Variants in HAS3 observed in about 807,000 individuals in gnomAD.
The protein encoded by HAS3 is HA synthase 3.
HAS3 carries 27 observed loss-of-function variants against 50.3 expected under a neutral mutation model. The observed-to-expected ratio is 0.54, with a 90% confidence interval of 0.40 to 0.74. The LOEUF is 0.74. HAS3 is among the 30% of genes least tolerant of loss of function. The pLI is 0.00. For synonymous variants in HAS3, 339 were observed against 310.9 expected, an observed-to-expected ratio of 1.09 and a Z score of -0.95; for missense variants, 517 against 742.8, an observed-to-expected ratio of 0.70 and a Z score of 3.53.
Position 69,109,917 on chromosome 16 carries a change from G to A in HAS3, c.522G>A (p.Val174=), listed in dbSNP as rs767800507. 3.7e-6 allele frequency: 6 copies of A among 1,614,102 alleles called. No individual in the cohort carries two copies. Among genetic ancestry groups the A allele is most frequent in the Admixed American group, 1.7e-5 (1 of 60,030 alleles). ...EASLQEGMDR[V]RDVVRASTFS... ...GCCTGCAGGAGGGCATGGACCGTGT[G>A]CGGGATGTGGTGCGGGCCAGCACCT... The change falls in exon 2 of 4, where the codon GTG becomes GTA. Residue 174 remains valine (V), a synonymous_variant. Coordinates refer to ENST00000569188, the MANE Select transcript of HAS3 (RefSeq NM_001199280.2). The surrounding 1 kb of genome is among the most constrained non-coding windows in gnomAD (Gnocchi z 5.3).
In HAS3 at chr16:69,109,666, A is replaced by G. The variant is rs1170953205; in HGVS notation, c.271A>G (p.Ile91Val). The G allele has an allele frequency of 3.1e-6, 5 of 1,610,076 alleles. No homozygotes were observed. Among genetic ancestry groups the G allele is most frequent in the East Asian group, 2.2e-5 (1 of 44,866 alleles). Residue 91 changes from isoleucine to valine, a missense_variant, in exon 2 of 4, where the codon ATT becomes GTT. Ile to Val is a conservative substitution (Grantham distance 29, BLOSUM62 3). Coordinates refer to ENST00000569188, the MANE Select transcript of HAS3 (RefSeq NM_001199280.2). The surrounding 1 kb of genome is among the most constrained non-coding windows in gnomAD (Gnocchi z 5.3). ...GCGGCGGGGCTCGGTGGCACTGTGCATTGCCGCATACCAGGAGGACCCTGA... is the reference window on the plus strand; with the variant it reads ...GCGGCGGGGCTCGGTGGCACTGTGCGTTGCCGCATACCAGGAGGACCCTGA... ...SPRRGSVALC[I>V]AAYQEDPDYL...
chr16:69,089,719 C>A, the HAS3 span, among the ~76,000 whole-genome samples: 1 of 152,104 alleles, frequency 6.6e-6, no homozygotes, highest in Non-Finnish European at 1.5e-5. Flanking sequence ...GAATGCAGAC[C>A]CCACCTTCGG....
chr16:69,116,493 G>T lies in HAS3; in HGVS notation c.*1227G>T. ...GAAAGCTTTTCAGTGTTCCCAAAGTGAACTCTCAAATCCAAAATGGTTATC... is the reference window on the plus strand; with the variant it reads ...GAAAGCTTTTCAGTGTTCCCAAAGTTAACTCTCAAATCCAAAATGGTTATC... On this transcript the variant is annotated 3_prime_UTR_variant, in exon 4 of 4. Coordinates refer to ENST00000569188, the MANE Select transcript of HAS3 (RefSeq NM_001199280.2). 1 of 985,848 alleles carries T rather than the reference G, an allele frequency of 1.0e-6. No individual in the cohort carries two copies. The highest frequency in any genetic ancestry group is 1.1e-4 in the East Asian group (1 of 8,822). 61.1% of individuals were successfully genotyped at this position (985,848 alleles called of 1,614,324 possible).
the HAS3 span, among the ~76,000 whole-genome samples, chr16:69,086,777 G>A: frequency 1.3e-5 from 2 of 152,124 alleles, no homozygotes; most frequent in African/African-American, 2.4e-5. Context: ...GGTGGCGCAT[G>A]CCTGTAATCC....
Position 69,116,068 on chromosome 16 carries a change from G to A in HAS3, c.*802G>A, listed in dbSNP as rs1251198135. ...TAGCTTGTCTGTGATCTCTGCTGGG[G>A]AGATAAAAAGATTAAGCCCCAACAT... On this transcript the variant is annotated 3_prime_UTR_variant, in exon 4 of 4. Coordinates refer to ENST00000569188, the MANE Select transcript of HAS3 (RefSeq NM_001199280.2). 1 of 985,524 alleles carries A rather than the reference G, an allele frequency of 1.0e-6. No homozygotes were observed. The highest frequency in any genetic ancestry group is 1.2e-6 in the Non-Finnish European group (1 of 829,900). 61.0% of individuals were successfully genotyped at this position (985,524 alleles called of 1,614,324 possible). A position where few individuals can be genotyped will look rare whatever the true frequency, so the allele number is the denominator to read the frequency against.
rs1202561278 is a variant in HAS3 at position 69,107,201 on chromosome 16, T to C, written c.-1+1414T>C. 1 of 393,762 alleles carries C rather than the reference T, an allele frequency of 2.5e-6. No individual in the cohort carries two copies. Among genetic ancestry groups the C allele is most frequent in the Non-Finnish European group, 3.4e-6 (1 of 290,036 alleles). The allele number at this position is 393,762 out of a possible 1,614,324, so 24.4% of individuals were successfully genotyped here. A position where few individuals can be genotyped will look rare whatever the true frequency, so the allele number is the denominator to read the frequency against. On this transcript the variant is annotated intron_variant, in intron 1 of 3. Coordinates refer to ENST00000569188, the MANE Select transcript of HAS3 (RefSeq NM_001199280.2). The surrounding 1 kb of genome is among the most constrained non-coding windows in gnomAD (Gnocchi z 5.5). ...GGGCAGGAGAACCTCGACCACAGCC[T>C]GCACCAGCGCCTGATTGCACGTGGG...
chr16:69,102,523 C>T (rs1218145867), upstream of HAS3, among the ~76,000 whole-genome samples: 5 of 152,252 alleles, frequency 3.3e-5, no homozygotes, highest in Non-Finnish European at 7.3e-5. Context: ...AAGGTAAAGA[C>T]TCTCTTATCT....
At chr16:69,112,683 C>T (rs1336335978) in intron 2 of HAS3, among the ~76,000 whole-genome samples, 2 of 152,160 alleles carry the variant, frequency 1.3e-5, no homozygotes, top group Non-Finnish European at 1.5e-5. Flanking sequence ...TTTTTAGAAA[C>T]CAGAAAAGGA....
intron 1 of HAS3, 35 bp downstream of exon 1, chr16:69,105,822 G>C (rs1960773356): frequency 2.0e-5 from 3 of 152,314 alleles, no homozygotes; most frequent in Admixed American, 2.0e-4. Flanking sequence ...AGCGGGGCGT[G>C]GGGGCGGGGA....
upstream of HAS3, chr16:69,105,635 A>G (rs1481856941): frequency 6.6e-6 from 1 of 152,258 alleles, no homozygotes; most frequent in African/African-American, 2.4e-5. Flanking sequence ...TTCTTTGACC[A>G]GCCTTTTTAC....
At chr16:69,100,422 G>A in the HAS3 span, among the ~76,000 whole-genome samples, 1 of 152,192 alleles carries the variant, frequency 6.6e-6, no homozygotes, top group Non-Finnish European at 1.5e-5. Flanking sequence ...TCAGCCCAGG[G>A]AAAGTGGATG....
the HAS3 span, among the ~76,000 whole-genome samples, chr16:69,086,853 G>A: frequency 6.6e-6 from 1 of 152,174 alleles, no homozygotes; most frequent in African/African-American, 2.4e-5. Flanking sequence ...GTGGTGAGCC[G>A]AGATTGCGCC....
intron 2 of HAS3, among the ~76,000 whole-genome samples, chr16:69,112,332 A>G (rs1347793764): frequency 1.3e-5 from 2 of 152,168 alleles, no homozygotes; most frequent in African/African-American, 4.8e-5. Context: ...GGATGTAAGG[A>G]TATGCCTGGT....
chr16:69,112,508 TACTC>T (rs1204443839), intron 2 of HAS3, among the ~76,000 whole-genome samples: 1 of 152,232 alleles, frequency 6.6e-6, no homozygotes, highest in Non-Finnish European at 1.5e-5. Context: ...GCAGGAATCT[TACTC>T]AGCAACTTTA....
In HAS3 at chr16:69,109,400, C is replaced by T. The variant is rs763308554; in HGVS notation, c.5C>T (p.Pro2Leu). The change falls in exon 2 of 4, where the codon CCG (proline) becomes CTG (leucine). Residue 2 changes from proline to leucine, a missense_variant. Transcript: ENST00000569188. The surrounding 1 kb of genome is among the most constrained non-coding windows in gnomAD (Gnocchi z 5.3). Reference protein sequence around the residue: MPVQLTTALRVV... With the variant: MLVQLTTALRVV... The stretch of plus-strand genomic sequence containing the variant: ...TCTCCTGCCTTCTCTCGCCAGATGC[C>T]GGTGCAGCTGACGACAGCCCTGCGT... 20 of 1,600,668 alleles carry T rather than the reference C, an allele frequency of 1.2e-5. No individual in the cohort carries two copies. Among genetic ancestry groups the T allele is most frequent in the South Asian group, 6.7e-5 (6 of 90,092 alleles).
chr16:69,116,765 C>A lies in HAS3; in HGVS notation c.*1499C>A. 1 of 985,280 alleles carries A rather than the reference C, an allele frequency of 1.0e-6. No individual in the cohort carries two copies. Among genetic ancestry groups the A allele is most frequent in the Non-Finnish European group, 1.2e-6 (1 of 829,816 alleles). 61.0% of individuals were successfully genotyped at this position (985,280 alleles called of 1,614,324 possible). A position where few individuals can be genotyped will look rare whatever the true frequency, so the allele number is the denominator to read the frequency against. On this transcript the variant is annotated 3_prime_UTR_variant, in exon 4 of 4. Coordinates refer to ENST00000569188, the MANE Select transcript of HAS3 (RefSeq NM_001199280.2). ...GACTTGCAATCCAGGCTGTTCTCAG[C>A]GTTTTGAGTTTAAAACCTGGGATCC...
At position 69,115,974 on chromosome 16, in the gene HAS3, G is replaced by T. The variant is rs1233700183; in HGVS notation, c.*708G>T. 2.8e-5 allele frequency: 28 copies of T among 985,870 alleles called. No individual in the cohort carries two copies. The highest frequency in any genetic ancestry group is 3.4e-5 in the Non-Finnish European group (28 of 829,952). 61.1% of individuals were successfully genotyped at this position (985,870 alleles called of 1,614,324 possible). On this transcript the variant is annotated 3_prime_UTR_variant, in exon 4 of 4. Transcript: ENST00000569188. ...CAAAGAGATTGTGGTGGTGCTAAAG[G>T]AGGCCATAAGCTACACAGAGGCCTT...
Position 69,109,818 on chromosome 16 carries a change from C to T in HAS3, c.423C>T (p.Gly141=), listed in dbSNP as rs370216657. 3.2e-5 allele frequency: 52 copies of T among 1,612,428 alleles called. No individual in the cohort carries two copies. In the East Asian group the frequency reaches 6.2e-4, roughly 19 times the overall value. Residue 141 remains glycine, a synonymous_variant, in exon 2 of 4, where the codon GGC becomes GGT. Coordinates refer to ENST00000569188, the MANE Select transcript of HAS3 (RefSeq NM_001199280.2). The surrounding 1 kb of genome is among the most constrained non-coding windows in gnomAD (Gnocchi z 5.3). ...YMLDIFHEVL[G]GTEQAGFFVW... is the part of the protein sequence containing the mutation. ...TGGACATCTTCCACGAGGTGCTGGGCGGCACCGAGCAGGCCGGCTTCTTTG... is the reference window on the plus strand; with the variant it reads ...TGGACATCTTCCACGAGGTGCTGGGTGGCACCGAGCAGGCCGGCTTCTTTG...
chr16:69,108,276 T>C (rs1356481207), intron 1 of HAS3, among the ~76,000 whole-genome samples: 2 of 152,122 alleles, frequency 1.3e-5, no homozygotes, highest in East Asian at 3.9e-4. Context: ...CGGAAGTGTT[T>C]CCATTTTTAG....
Sources: allele counts gnomAD v4.1 joint callset (sites outside exome capture counted in the v4.1 genomes callset), GRCh38; gene constraint gnomAD v4.1.1; non-coding constraint Gnocchi (gnomAD v3.1); transcripts MANE v1.5; gene names NCBI Gene and HGNC (gene_info 2026-07-23, HGNC 2026-07-21).